Variants in KCNQ1 observed in about 807,000 individuals in gnomAD.
KCNQ1 encodes the protein potassium voltage-gated channel subfamily KQT member 1.
KCNQ1 carries 49 observed loss-of-function variants against 72.4 expected under a neutral mutation model. That is an observed-to-expected ratio of 0.68 (90% CI 0.54 to 0.86). KCNQ1 has a LOEUF of 0.86. Ranked by LOEUF, KCNQ1 falls within the 40% of genes least tolerant of loss-of-function variation. KCNQ1 has a pLI of 0.00. For synonymous variants in KCNQ1, 450 were observed against 412.6 expected, an observed-to-expected ratio of 1.09 and a Z score of -1.10; for missense variants, 790 against 945.1, an observed-to-expected ratio of 0.84 and a Z score of 2.15.
rs1256697588 is a variant in KCNQ1, at chr11:2,601,209, A to C, written c.1393+12355A>C. 6.6e-6 allele frequency among the ~76,000 whole-genome samples: 1 copy of C among 152,192 alleles called. No homozygotes were observed. The highest frequency in any genetic ancestry group is 1.9e-4 in the East Asian group (1 of 5,204). ...TTCCACGAAAGTACAGAAAGAAAAA[A>C]AAATACTGTCCAGTTGGAATGGTTA... On this transcript the variant is annotated intron_variant, in intron 10 of 15. Transcript: ENST00000155840. This position sits in a 1 kb window ranked among gnomAD's most constrained non-coding sequence, Gnocchi z 5.2.
chr11:2,796,807 G>A (rs1480700355), intron 15 of KCNQ1, among the ~76,000 whole-genome samples: 2 of 152,224 alleles, frequency 1.3e-5, no homozygotes, highest in Non-Finnish European at 2.9e-5. Context: ...AGCCCCCACT[G>A]CTGCGCCGTC....
In KCNQ1 at chr11:2,612,401, T is replaced by C. The variant is rs1848995645; in HGVS notation, c.1393+23547T>C. 1 of 398,528 alleles carries C rather than the reference T, an allele frequency of 2.5e-6. No homozygotes were observed. The highest frequency in any genetic ancestry group is 4.4e-6 in the Non-Finnish European group (1 of 226,082). 24.7% of individuals were successfully genotyped at this position (398,528 alleles called of 1,614,324 possible). On this transcript the variant is annotated intron_variant, in intron 10 of 15. Transcript: ENST00000155840. This position sits in a 1 kb window ranked among gnomAD's most constrained non-coding sequence, Gnocchi z 5.5. The stretch of plus-strand genomic sequence containing the variant: ...AAAAAGGTTGGGGACCACTATATTA[T>C]GGTATCCAATGGGTATCTCTTCATT...
chr11:2,845,650 T>G (rs1005299403), intron 15 of KCNQ1, among the ~76,000 whole-genome samples: 32 of 152,156 alleles, frequency 2.1e-4, no homozygotes, highest in African/African-American at 7.7e-4. Flanking sequence ...TTCAGGACAG[T>G]TGGGTCTCAG....
rs932958684 is a variant in KCNQ1 at position 2,838,744 on chromosome 11, G to A, written c.1795-9023G>A. Among the ~76,000 whole-genome samples the A allele has an allele frequency of 6.6e-5, 10 of 152,272 alleles. No homozygotes were observed. The South Asian group carries it at 1.7e-3, about 25-fold the overall frequency. ...GCTTCCCCTGCCCACCTGCCCCCGTGGCCGGGCTGGGGTTTGGCTGAGGCA... is the reference window on the plus strand; with the variant it reads ...GCTTCCCCTGCCCACCTGCCCCCGTAGCCGGGCTGGGGTTTGGCTGAGGCA... On this transcript the variant is annotated intron_variant, in intron 15 of 15. Coordinates refer to ENST00000155840, the MANE Select transcript of KCNQ1 (RefSeq NM_000218.3).
chr11:2,568,823 C>G lies in KCNQ1; in HGVS notation c.478-1805C>G, dbSNP rs181585579. 2.4e-4 allele frequency among the ~76,000 whole-genome samples: 37 copies of G among 152,280 alleles called. No homozygotes were observed. The East Asian group carries it at 2.9e-3, about 12-fold the overall frequency. ...GGACAGAGGTGGGACCCACACCCCC[C>G]CCATGAGGCCACAGAGCCTGCAGGT... On this transcript the variant is annotated intron_variant, in intron 2 of 15. Transcript: ENST00000155840.
chr11:2,618,433 T>C (rs1179434298), intron 10 of KCNQ1: 2 of 398,612 alleles, frequency 5.0e-6, no homozygotes, highest in Non-Finnish European at 8.8e-6. Context: ...AGAACTGGGT[T>C]TCCTAACGTC....
intron 11 of KCNQ1, among the ~76,000 whole-genome samples, chr11:2,716,303 C>T (rs1851091685): frequency 6.6e-6 from 1 of 152,268 alleles, no homozygotes; most frequent in South Asian, 2.1e-4. Context: ...CTACCCTCTG[C>T]ATCAGATGTG....
At chr11:2,681,384 G>T (rs185086888) in intron 11 of KCNQ1, 1 of 398,428 alleles carries the variant, frequency 2.5e-6, no homozygotes, top group East Asian at 3.6e-5. Context: ...ATGGCTCTTG[G>T]GGCTGGGGTG....
Position 2,471,763 on chromosome 11 carries a change from T to TGC in KCNQ1, c.386+26279_386+26280insGC, listed in dbSNP as rs1846469323. On this transcript the variant is annotated intron_variant, in intron 1 of 15. Coordinates refer to ENST00000155840, the MANE Select transcript of KCNQ1 (RefSeq NM_000218.3). This position sits in a 1 kb window ranked among gnomAD's most constrained non-coding sequence, Gnocchi z 4.8. ...GTGCATGGGCGTGTGTGTACTTGTG[T>TGC]ATGGGTGTGTGCATGTGATTGGGTG... Among the ~76,000 whole-genome samples the TGC allele has an allele frequency of 1.3e-5, 2 of 151,388 alleles. No homozygotes were observed. Among genetic ancestry groups the TGC allele is most frequent in the African/African-American group, 4.9e-5 (2 of 41,068 alleles).
At chr11:2,596,374 A>G (rs1480989821) in intron 10 of KCNQ1, among the ~76,000 whole-genome samples, 1 of 152,230 alleles carries the variant, frequency 6.6e-6, no homozygotes, top group Non-Finnish European at 1.5e-5. Context: ...GCATGCCACC[A>G]TTTGTACATG....
chr11:2,778,977 A>G (rs1324232530), intron 15 of KCNQ1, among the ~76,000 whole-genome samples: 2 of 152,142 alleles, frequency 1.3e-5, no homozygotes, highest in Admixed American at 6.5e-5. Context: ...CCATCTGCCC[A>G]TGGCCTGGGG....
chr11:2,734,601 CAG>C lies in KCNQ1; in HGVS notation c.1515-34242_1515-34241del, dbSNP rs567708485. 9.3e-5 allele frequency among the ~76,000 whole-genome samples: 14 copies of C among 150,082 alleles called. No homozygotes were observed. The highest frequency in any genetic ancestry group is 1.3e-4 in the Non-Finnish European group (9 of 67,730). ...GCTGCGGCTGCTGGGTGGGGGATAA[CAG>C]GGGTTTTCCGAGGCCCTGAAGGACT... On this transcript the variant is annotated intron_variant, in intron 11 of 15. Coordinates refer to ENST00000155840, the MANE Select transcript of KCNQ1 (RefSeq NM_000218.3). This position sits in a 1 kb window ranked among gnomAD's most constrained non-coding sequence, Gnocchi z 7.0.
intron 15 of KCNQ1, among the ~76,000 whole-genome samples, chr11:2,831,322 A>G (rs555659331): frequency 6.6e-6 from 1 of 152,260 alleles, no homozygotes; most frequent in Admixed American, 6.5e-5. Context: ...GCCCTACACC[A>G]TCAGGGGGTG....
At chr11:2,733,814 A>ACACTCTCTCACTCTCTCT in intron 11 of KCNQ1, among the ~76,000 whole-genome samples, 2 of 86,614 alleles carry the variant, frequency 2.3e-5, no homozygotes, top group East Asian at 3.2e-4. Context: ...ACACACACAC[A>ACACTCTCTCACTCTCTCT]CTCTCTCACT....
At position 2,725,377 on chromosome 11, in the gene KCNQ1, G is replaced by A. The variant is rs546274361; in HGVS notation, c.1515-43467G>A. 2.0e-5 allele frequency among the ~76,000 whole-genome samples: 3 copies of A among 152,270 alleles called. No individual in the cohort carries two copies. Among genetic ancestry groups the A allele is most frequent in the Admixed American group, 6.5e-5 (1 of 15,298 alleles). On this transcript the variant is annotated intron_variant, in intron 11 of 15. Coordinates refer to ENST00000155840, the MANE Select transcript of KCNQ1 (RefSeq NM_000218.3). This position sits in a 1 kb window ranked among gnomAD's most constrained non-coding sequence, Gnocchi z 7.2. ...GTGGATACTTAGTGGTTTGGCTTTC[G>A]GGTTCCTGCCTTCCAAAACAGGAGA...
In KCNQ1 at chr11:2,848,041, G is replaced by A. The variant is rs1441226594; in HGVS notation, c.*38G>A. 33 of 1,506,872 alleles carry A rather than the reference G, an allele frequency of 2.2e-5. No homozygotes were observed. The highest frequency in any genetic ancestry group is 2.1e-4 in the South Asian group (17 of 82,354). The allele number at this position is 1,506,872 out of a possible 1,614,324, so 93.3% of individuals were successfully genotyped here. Reference sequence around the variant, plus strand: ...GCTGGGGGATGGGCCTGAGTGAGAGGGGAGGCCAAGAGTGGCCCCACCTGG... The same window carrying A: ...GCTGGGGGATGGGCCTGAGTGAGAGAGGAGGCCAAGAGTGGCCCCACCTGG... On this transcript the variant is annotated 3_prime_UTR_variant, in exon 16 of 16. Transcript: ENST00000155840.
rs763163556 is a variant in KCNQ1, at chr11:2,848,880, C to T, written c.*877C>T. 1.8e-5 allele frequency: 8 copies of T among 454,022 alleles called. No individual in the cohort carries two copies. In the East Asian group the frequency reaches 3.5e-4, roughly 20 times the overall value. 28.1% of individuals were successfully genotyped at this position (454,022 alleles called of 1,614,324 possible). ...CAGGGGTTCCTTCTGGGCATTACAT[C>T]GCATAGAAATCAATAATTTGTGGTG... On this transcript the variant is annotated 3_prime_UTR_variant, in exon 16 of 16. Transcript: ENST00000155840.
At position 2,767,526 on chromosome 11, in the gene KCNQ1, G is replaced by A. The variant is rs1052987840; in HGVS notation, c.1515-1318G>A. Among the ~76,000 whole-genome samples, 7 of 152,074 alleles carry A rather than the reference G, an allele frequency of 4.6e-5. No homozygotes were observed. Among genetic ancestry groups the A allele is most frequent in the African/African-American group, 9.7e-5 (4 of 41,386 alleles). On this transcript the variant is annotated intron_variant, in intron 11 of 15. Transcript: ENST00000155840. The surrounding 1 kb of genome is among the most constrained non-coding windows in gnomAD (Gnocchi z 4.6). Reference sequence around the variant, plus strand: ...CTTTTCCCTTGCCTTTTAGTCTTTCGTGTATAAAATTGTAGATGCTCGAGG... The same window carrying A: ...CTTTTCCCTTGCCTTTTAGTCTTTCATGTATAAAATTGTAGATGCTCGAGG...
At position 2,599,466 on chromosome 11, in the gene KCNQ1, TTTG is replaced by T. The variant is rs1213465878; in HGVS notation, c.1393+10615_1393+10617del. ...ATGTTCTCTATCGCTTAAAATTCATTTTGTTCAAGAACATAGGTTCTTGAACCT... is the reference window on the plus strand; with the variant it reads ...ATGTTCTCTATCGCTTAAAATTCATTTTCAAGAACATAGGTTCTTGAACCT... On this transcript the variant is annotated intron_variant, in intron 10 of 15. Transcript: ENST00000155840. The surrounding 1 kb of genome is among the most constrained non-coding windows in gnomAD (Gnocchi z 4.7). Among the ~76,000 whole-genome samples, 3 of 152,258 alleles carry T rather than the reference TTTG, an allele frequency of 2.0e-5. No individual in the cohort carries two copies. Among genetic ancestry groups the T allele is most frequent in the Admixed American group, 6.5e-5 (1 of 15,288 alleles).
Sources: gnomAD v4.1 joint callset for allele counts (sites outside exome capture counted in the v4.1 genomes callset) on GRCh38, gnomAD v4.1.1 for gene constraint, Gnocchi (gnomAD v3.1) non-coding constraint, MANE v1.5 for transcripts, NCBI Gene and HGNC (gene_info 2026-07-23, HGNC 2026-07-21) for gene names.